Variants in UNCX observed in about 807,000 individuals in gnomAD.
UNCX encodes the protein homeobox protein unc-4 homolog.
A neutral mutation model predicts 14.8 loss-of-function variants in UNCX; 4 were observed. The ratio of observed to expected loss-of-function variants is 0.27; its 90% confidence interval spans 0.13 to 0.62. UNCX has a LOEUF of 0.62. UNCX is among the 20% of genes least tolerant of loss of function. The pLI, the probability that UNCX is intolerant of heterozygous loss-of-function variation, is 0.86. For synonymous variants in UNCX, 459 were observed against 395.8 expected (o/e 1.16, Z -1.90); for missense variants, 749 against 786.8 (o/e 0.95, Z 0.58).
In UNCX at chr7:1,233,424, C is replaced by CCCG; in HGVS notation, c.275-95_275-93dup. The CCCG allele has an allele frequency of 7.2e-7, 1 of 1,382,930 alleles. No individual in the cohort carries two copies. Among genetic ancestry groups the CCCG allele is most frequent in the Admixed American group, 3.2e-5 (1 of 31,254 alleles). 85.7% of individuals were successfully genotyped at this position (1,382,930 alleles called of 1,614,324 possible). On this transcript the variant is annotated intron_variant, in intron 1 of 2. Coordinates refer to ENST00000316333, the MANE Select transcript of UNCX (RefSeq NM_001080461.3). The surrounding 1 kb of genome is among the most constrained non-coding windows in gnomAD (Gnocchi z 5.3). ...AGGCGGCCGTCTCTGCGCCCCCCCC[C>CCCG]CCGGATCCAGGCGGCCAGCGGGTAG...
At position 1,236,791 on chromosome 7, in the gene UNCX, G is replaced by C; in HGVS notation, c.1410G>C (p.Glu470Asp). 1.0e-6 allele frequency: 1 copy of C among 986,898 alleles called. No homozygotes were observed. Among genetic ancestry groups the C allele is most frequent in the Non-Finnish European group, 1.2e-6 (1 of 832,538 alleles). The allele number at this position is 986,898 out of a possible 1,614,324, so 61.1% of individuals were successfully genotyped here. Residue 470 changes from glutamate (E) to aspartate (D), a missense_variant, in exon 3 of 3, where the codon GAG (glutamate) becomes GAC (aspartate). Around this residue, in one of 3 missense-constraint regions of UNCX, gnomAD observed 552 missense variants for 507.2 expected, o/e 1.09. Coordinates refer to ENST00000316333, the MANE Select transcript of UNCX (RefSeq NM_001080461.3). The surrounding 1 kb of genome is among the most constrained non-coding windows in gnomAD (Gnocchi z 6.9). ...FRDLASAAAT[E>D]GGGGDCADAG... is the part of the protein sequence containing the mutation. ...ACCTCGCCTCGGCAGCGGCTACCGA[G>C]GGCGGCGGCGGGGACTGCGCGGACG... is the stretch of plus-strand genomic sequence containing the variant.
In UNCX at chr7:1,236,404, G is replaced by C. The variant is rs1466300023; in HGVS notation, c.1023G>C (p.Ser341=). Residue 341 remains serine (S), a synonymous_variant, in exon 3 of 3, where the codon TCG becomes TCC. Transcript: ENST00000316333. This position sits in a 1 kb window ranked among gnomAD's most constrained non-coding sequence, Gnocchi z 6.9. ...GCGTGGAGAGCCTCCTGTCCGACTCGCCGCCGCGCCGGAAAGCCGCTTCCA... is the reference window on the plus strand; with the variant it reads ...GCGTGGAGAGCCTCCTGTCCGACTCCCCGCCGCGCCGGAAAGCCGCTTCCA... ...PFSVESLLSD[S]PPRRKAASNA... 7.3e-7 allele frequency: 1 copy of C among 1,368,860 alleles called. No homozygotes were observed. The allele number at this position is 1,368,860 out of a possible 1,614,324, so 84.8% of individuals were successfully genotyped here. A position where few individuals can be genotyped will look rare whatever the true frequency, so the allele number is the denominator to read the frequency against.
At position 1,236,291 on chromosome 7, in the gene UNCX, G is replaced by A; in HGVS notation, c.910G>A (p.Asp304Asn). The A allele has an allele frequency of 7.3e-7, 1 of 1,373,734 alleles. No homozygotes were observed. The highest frequency in any genetic ancestry group is 9.5e-7 in the Non-Finnish European group (1 of 1,058,136). The allele number at this position is 1,373,734 out of a possible 1,614,324, so 85.1% of individuals were successfully genotyped here. A position where few individuals can be genotyped will look rare whatever the true frequency, so the allele number is the denominator to read the frequency against. Residue 304 changes from aspartate (D) to asparagine (N), a missense_variant, in exon 3 of 3, where the codon GAC becomes AAC. By Grantham distance (23) the Asp-to-Asn change is conservative. Around this residue, in one of 3 missense-constraint regions of UNCX, gnomAD observed 552 missense variants for 507.2 expected, o/e 1.09. Transcript: ENST00000316333. The surrounding 1 kb of genome is among the most constrained non-coding windows in gnomAD (Gnocchi z 6.9). ...GPQPRPGRPA[D>N]KDAASCGPGA... ...ACAGCCGCGCCCAGGTCGCCCTGCG[G>A]ACAAGGACGCGGCCTCGTGCGGGCC...
chr7:1,233,289 C>G lies in UNCX; in HGVS notation c.272C>G (p.Ser91Ter). Residue 91 changes from serine to a stop codon, truncating the protein, a stop_gained and splice_region_variant, in exon 1 of 3, where the codon TCA becomes TGA. Coordinates refer to ENST00000316333, the MANE Select transcript of UNCX (RefSeq NM_001080461.3). LOFTEE classifies it high-confidence loss of function. This position sits in a 1 kb window ranked among gnomAD's most constrained non-coding sequence, Gnocchi z 5.3. ...GGGGACGGCCAGCCCTTCAAGCTGT[C>G]AGGTAGGCGCGGCGGGCGGGAGGGC... is the stretch of plus-strand genomic sequence containing the variant. Reference protein sequence around the residue: ...VGGDGQPFKLSDSGDPDKESP... With the variant: ...VGGDGQPFKL 7.6e-7 allele frequency: 1 copy of G among 1,320,568 alleles called. No homozygotes were observed. The highest frequency in any genetic ancestry group is 9.6e-7 in the Non-Finnish European group (1 of 1,041,778). The allele number at this position is 1,320,568 out of a possible 1,614,324, so 81.8% of individuals were successfully genotyped here. A position where few individuals can be genotyped will look rare whatever the true frequency, so the allele number is the denominator to read the frequency against.
In UNCX at chr7:1,236,170, C is replaced by T. The variant is rs1289622606; in HGVS notation, c.789C>T (p.Gly263=). 1.7e-6 allele frequency: 2 copies of T among 1,205,084 alleles called. No homozygotes were observed. The highest frequency in any genetic ancestry group is 2.1e-6 in the Non-Finnish European group (2 of 966,080). The allele number at this position is 1,205,084 out of a possible 1,614,324, so 74.6% of individuals were successfully genotyped here. A position where few individuals can be genotyped will look rare whatever the true frequency, so the allele number is the denominator to read the frequency against. ...AAKGPGAHAS[G]AAGTAPAPPG... The stretch of plus-strand genomic sequence containing the variant: ...AGGGCCCCGGAGCGCACGCCTCGGG[C>T]GCCGCGGGGACCGCGCCCGCCCCTC... The change falls in exon 3 of 3, where the codon GGC becomes GGT. Residue 263 remains glycine, a synonymous_variant. Transcript: ENST00000316333. This position sits in a 1 kb window ranked among gnomAD's most constrained non-coding sequence, Gnocchi z 6.9.
At position 1,236,464 on chromosome 7, in the gene UNCX, C is replaced by G; in HGVS notation, c.1083C>G (p.Phe361Leu). The change falls in exon 3 of 3, where the codon TTC (phenylalanine) becomes TTG (leucine). Residue 361 changes from phenylalanine to leucine, a missense_variant. Physicochemically the swap from Phe to Leu is conservative, Grantham distance 22. Transcript: ENST00000316333. The surrounding 1 kb of genome is among the most constrained non-coding windows in gnomAD (Gnocchi z 6.9). ...CCGCCGCCGCCGCGGGGCTGGACTT[C>G]GCGCCCGGGCTGCCGTGCGCGCCGC... is the stretch of plus-strand genomic sequence containing the variant. ...AAAAAAAGLDFAPGLPCAPRT... is the reference protein window; with the variant it reads ...AAAAAAAGLDLAPGLPCAPRT... 2 of 1,375,744 alleles carry G rather than the reference C, an allele frequency of 1.5e-6. No individual in the cohort carries two copies. The highest frequency in any genetic ancestry group is 1.9e-6 in the Non-Finnish European group (2 of 1,063,030). 85.2% of individuals were successfully genotyped at this position (1,375,744 alleles called of 1,614,324 possible). A position where few individuals can be genotyped will look rare whatever the true frequency, so the allele number is the denominator to read the frequency against.
rs1350366766 is a variant in UNCX, at chr7:1,233,315, G to T, written c.274+24G>T. The stretch of plus-strand genomic sequence containing the variant: ...AGGTAGGCGCGGCGGGCGGGAGGGC[G>T]GGGAGGAGTGCGGCTGGGGGCGGGG... On this transcript the variant is annotated intron_variant, in intron 1 of 2. Coordinates refer to ENST00000316333, the MANE Select transcript of UNCX (RefSeq NM_001080461.3). The surrounding 1 kb of genome is among the most constrained non-coding windows in gnomAD (Gnocchi z 5.3). 7.6e-7 allele frequency: 1 copy of T among 1,321,298 alleles called. No homozygotes were observed. The highest frequency in any genetic ancestry group is 2.1e-5 in the South Asian group (1 of 47,862). The allele number at this position is 1,321,298 out of a possible 1,614,324, so 81.8% of individuals were successfully genotyped here. A position where few individuals can be genotyped will look rare whatever the true frequency, so the allele number is the denominator to read the frequency against.
rs751327990 is a variant in UNCX at position 1,234,076 on chromosome 7, A to ACC, written c.450+389_450+390dup. 2.1e-3 allele frequency among the ~76,000 whole-genome samples: 266 copies of ACC among 126,632 alleles called. 1 individual carries two copies. Among genetic ancestry groups the ACC allele is most frequent in the East Asian group, 9.7e-3 (43 of 4,442 alleles). The allele number at this position is 126,632 out of a possible 152,430, so 83.1% of individuals were successfully genotyped here. ...CGACCCGGAGGAGAGAGGGAAGGGGACCCCCCCCCGCCCCCGCACCGCCTC... is the reference window on the plus strand; with the variant it reads ...CGACCCGGAGGAGAGAGGGAAGGGGACCCCCCCCCCCGCCCCCGCACCGCCTC... On this transcript the variant is annotated intron_variant, in intron 2 of 2. Transcript: ENST00000316333.
Position 1,236,722 on chromosome 7 carries a change from C to G in UNCX, c.1341C>G (p.Val447=). 1.0e-6 allele frequency: 1 copy of G among 994,214 alleles called. No individual in the cohort carries two copies. Among genetic ancestry groups the G allele is most frequent in the Non-Finnish European group, 1.2e-6 (1 of 837,444 alleles). 61.6% of individuals were successfully genotyped at this position (994,214 alleles called of 1,614,324 possible). A position where few individuals can be genotyped will look rare whatever the true frequency, so the allele number is the denominator to read the frequency against. The stretch of plus-strand genomic sequence containing the variant: ...TCGCGCGTCGCAGCCCCGACGCCGT[C>G]GCCTCCCCGGGGGCCCCAGCCCCGG... The part of the protein sequence containing the change: ...SAFARRSPDA[V]ASPGAPAPAP... The change falls in exon 3 of 3, where the codon GTC becomes GTG. Residue 447 remains valine (V), a synonymous_variant. Transcript: ENST00000316333. The surrounding 1 kb of genome is among the most constrained non-coding windows in gnomAD (Gnocchi z 6.9).
In UNCX at chr7:1,236,254, C is replaced by A; in HGVS notation, c.873C>A (p.Ser291Arg). ...CCGCCTTCTACCCGAGCCAAAGAAG[C>A]GGCGCCGGCCCACAGCCGCGCCCAG... ...CDPAFYPSQRSGAGPQPRPGR... is the reference protein window; with the variant it reads ...CDPAFYPSQRRGAGPQPRPGR... Residue 291 changes from serine (S) to arginine (R), a missense_variant, in exon 3 of 3, where the codon AGC (serine) becomes AGA (arginine). Physicochemically the swap from Ser to Arg is moderately radical, Grantham distance 110. Coordinates refer to ENST00000316333, the MANE Select transcript of UNCX (RefSeq NM_001080461.3). This position sits in a 1 kb window ranked among gnomAD's most constrained non-coding sequence, Gnocchi z 6.9. 1.5e-6 allele frequency: 2 copies of A among 1,375,552 alleles called. No homozygotes were observed. Among genetic ancestry groups the A allele is most frequent in the South Asian group, 1.4e-5 (1 of 73,244 alleles). 85.2% of individuals were successfully genotyped at this position (1,375,552 alleles called of 1,614,324 possible).
Position 1,236,714 on chromosome 7 carries a change from G to A in UNCX, c.1333G>A (p.Asp445Asn). ...PDSAFARRSPDAVASPGAPAP... is the reference protein window; with the variant it reads ...PDSAFARRSPNAVASPGAPAP... ...CTCGGCCTTCGCGCGTCGCAGCCCC[G>A]ACGCCGTCGCCTCCCCGGGGGCCCC... Residue 445 changes from aspartate (D) to asparagine (N), a missense_variant, in exon 3 of 3, where the codon GAC (aspartate) becomes AAC (asparagine). Asp to Asn is a conservative substitution (Grantham distance 23). Coordinates refer to ENST00000316333, the MANE Select transcript of UNCX (RefSeq NM_001080461.3). The surrounding 1 kb of genome is among the most constrained non-coding windows in gnomAD (Gnocchi z 6.9). 2 of 995,812 alleles carry A rather than the reference G, an allele frequency of 2.0e-6. No homozygotes were observed. The highest frequency in any genetic ancestry group is 3.5e-5 in the African/African-American group (2 of 56,982). 61.7% of individuals were successfully genotyped at this position (995,812 alleles called of 1,614,324 possible).
Position 1,236,434 on chromosome 7 carries a change from C to A in UNCX, c.1053C>A (p.Ala351=). 1 of 1,355,540 alleles carries A rather than the reference C, an allele frequency of 7.4e-7. No individual in the cohort carries two copies. Among genetic ancestry groups the A allele is most frequent in the Non-Finnish European group, 9.5e-7 (1 of 1,053,310 alleles). The allele number at this position is 1,355,540 out of a possible 1,614,324, so 84.0% of individuals were successfully genotyped here. The change falls in exon 3 of 3, where the codon GCC becomes GCA. Residue 351 remains alanine (A), a synonymous_variant. Coordinates refer to ENST00000316333, the MANE Select transcript of UNCX (RefSeq NM_001080461.3). This position sits in a 1 kb window ranked among gnomAD's most constrained non-coding sequence, Gnocchi z 6.9. ...SPPRRKAASN[A]AAAAAAGLDF... ...CGCGCCGGAAAGCCGCTTCCAACGC[C>A]GCCGCCGCCGCCGCCGCGGGGCTGG...
Position 1,236,981 on chromosome 7 carries a change from C to G in UNCX, c.*4C>G, listed in dbSNP as rs1165812885. On this transcript the variant is annotated 3_prime_UTR_variant, in exon 3 of 3. Coordinates refer to ENST00000316333, the MANE Select transcript of UNCX (RefSeq NM_001080461.3). The surrounding 1 kb of genome is among the most constrained non-coding windows in gnomAD (Gnocchi z 6.9). ...CGAGGAGCTGGACATGGACTGAGGC[C>G]GCGGCGGCCGGGAGAGGCGCGTAGC... is the stretch of plus-strand genomic sequence containing the variant. 2 of 1,189,960 alleles carry G rather than the reference C, an allele frequency of 1.7e-6. No homozygotes were observed. Among genetic ancestry groups the G allele is most frequent in the Non-Finnish European group, 2.1e-6 (2 of 960,454 alleles). 73.7% of individuals were successfully genotyped at this position (1,189,960 alleles called of 1,614,324 possible). A position where few individuals can be genotyped will look rare whatever the true frequency, so the allele number is the denominator to read the frequency against.
chr7:1,233,635 C>T lies in UNCX; in HGVS notation c.390C>T (p.Pro130=), dbSNP rs766164957. The change falls in exon 2 of 3, where the codon CCC becomes CCT. Residue 130 remains proline (P), a synonymous_variant. Transcript: ENST00000316333. This position sits in a 1 kb window ranked among gnomAD's most constrained non-coding sequence, Gnocchi z 5.3. ...LEKAFNESHY[P]DVFMREALAL... is the part of the protein sequence containing the mutation. Reference sequence around the variant, plus strand: ...AGGCGTTCAACGAGAGCCACTATCCCGACGTGTTCATGCGCGAGGCGCTGG... The same window carrying T: ...AGGCGTTCAACGAGAGCCACTATCCTGACGTGTTCATGCGCGAGGCGCTGG... 2 of 1,613,030 alleles carry T rather than the reference C, an allele frequency of 1.2e-6. No homozygotes were observed. Among genetic ancestry groups the T allele is most frequent in the East Asian group, 2.2e-5 (1 of 44,846 alleles).
intron 2 of UNCX, among the ~76,000 whole-genome samples, chr7:1,234,473 G>T (rs776657369): frequency 6.6e-6 from 1 of 151,928 alleles, no homozygotes; most frequent in Non-Finnish European, 1.5e-5. Context: ...CTTTTTCTGC[G>T]GTGGGTGCGG....
rs1420748759 is a variant in UNCX at position 1,236,776 on chromosome 7, G to C, written c.1395G>C (p.Ser465=). The change falls in exon 3 of 3, where the codon TCG becomes TCC. Residue 465 remains serine, a synonymous_variant. Transcript: ENST00000316333. This position sits in a 1 kb window ranked among gnomAD's most constrained non-coding sequence, Gnocchi z 6.9. The part of the protein sequence containing the change: ...PAPAPFRDLA[S]AAATEGGGGD... ...CGGCGCCTTTCCGGGACCTCGCCTC[G>C]GCAGCGGCTACCGAGGGCGGCGGCG... is the stretch of plus-strand genomic sequence containing the variant. 2.0e-6 allele frequency: 2 copies of C among 987,550 alleles called. No homozygotes were observed. The highest frequency in any genetic ancestry group is 1.2e-6 in the Non-Finnish European group (1 of 832,984). 61.2% of individuals were successfully genotyped at this position (987,550 alleles called of 1,614,324 possible). A position where few individuals can be genotyped will look rare whatever the true frequency, so the allele number is the denominator to read the frequency against.
At position 1,236,333 on chromosome 7, in the gene UNCX, G is replaced by T. The variant is rs537317894; in HGVS notation, c.952G>T (p.Ala318Ser). ...GTGCGGGCCAGGGGCCGCTGTGGCG[G>T]CGGTGGAGCGCGGCGCCGCGGGGCT... ...ASCGPGAAVA[A>S]VERGAAGLPK... Residue 318 changes from alanine (A) to serine (S), a missense_variant, in exon 3 of 3, where the codon GCG becomes TCG. This residue lies in a region of UNCX where 552 missense variants were observed against 507.2 expected (regional missense o/e 1.09). Coordinates refer to ENST00000316333, the MANE Select transcript of UNCX (RefSeq NM_001080461.3). The surrounding 1 kb of genome is among the most constrained non-coding windows in gnomAD (Gnocchi z 6.9). 1.5e-6 allele frequency: 2 copies of T among 1,294,186 alleles called. No individual in the cohort carries two copies. Among genetic ancestry groups the T allele is most frequent in the South Asian group, 3.9e-5 (2 of 51,190 alleles). The allele number at this position is 1,294,186 out of a possible 1,614,324, so 80.2% of individuals were successfully genotyped here. A position where few individuals can be genotyped will look rare whatever the true frequency, so the allele number is the denominator to read the frequency against.
In UNCX at chr7:1,236,788, C is replaced by G; in HGVS notation, c.1407C>G (p.Thr469=). Residue 469 remains threonine (T), a synonymous_variant, in exon 3 of 3, where the codon ACC becomes ACG. Coordinates refer to ENST00000316333, the MANE Select transcript of UNCX (RefSeq NM_001080461.3). This position sits in a 1 kb window ranked among gnomAD's most constrained non-coding sequence, Gnocchi z 6.9. The part of the protein sequence containing the change: ...PFRDLASAAA[T]EGGGGDCADA... ...GGGACCTCGCCTCGGCAGCGGCTAC[C>G]GAGGGCGGCGGCGGGGACTGCGCGG... 6 of 986,932 alleles carry G rather than the reference C, an allele frequency of 6.1e-6. No individual in the cohort carries two copies. The highest frequency in any genetic ancestry group is 7.2e-6 in the Non-Finnish European group (6 of 832,544). 61.1% of individuals were successfully genotyped at this position (986,932 alleles called of 1,614,324 possible).
Position 1,233,313 on chromosome 7 carries a change from G to T in UNCX, c.274+22G>T. On this transcript the variant is annotated intron_variant, in intron 1 of 2. Transcript: ENST00000316333. This position sits in a 1 kb window ranked among gnomAD's most constrained non-coding sequence, Gnocchi z 5.3. Reference sequence around the variant, plus strand: ...TCAGGTAGGCGCGGCGGGCGGGAGGGCGGGGAGGAGTGCGGCTGGGGGCGG... The same window carrying T: ...TCAGGTAGGCGCGGCGGGCGGGAGGTCGGGGAGGAGTGCGGCTGGGGGCGG... The T allele has an allele frequency of 7.6e-7, 1 of 1,321,348 alleles. No individual in the cohort carries two copies. The highest frequency in any genetic ancestry group is 9.6e-7 in the Non-Finnish European group (1 of 1,042,314). The allele number at this position is 1,321,348 out of a possible 1,614,324, so 81.9% of individuals were successfully genotyped here.
Sources: allele counts gnomAD v4.1 joint callset (sites outside exome capture counted in the v4.1 genomes callset), GRCh38; gene constraint gnomAD v4.1.1; regional missense constraint gnomAD v4.1.1; non-coding constraint Gnocchi (gnomAD v3.1); transcripts MANE v1.5; gene names NCBI Gene and HGNC (gene_info 2026-07-23, HGNC 2026-07-21).